Variants in CTNND2 observed in about 807,000 individuals in gnomAD.
CTNND2 encodes catenin delta 2.
A neutral mutation model predicts 144.4 loss-of-function variants in CTNND2; 22 were observed. The ratio of observed to expected loss-of-function variants is 0.15; its 90% CI spans 0.11 to 0.22. The LOEUF is 0.22. Among genes scored for constraint, CTNND2 ranks in the 10% least tolerant of loss-of-function variants. The pLI is 1.00. For synonymous variants in CTNND2, 751 were observed against 695.6 expected (o/e 1.08, Z -1.25); for missense variants, 1,353 against 1,618.8 (o/e 0.84, Z 2.82).
intron 1 of CTNND2, among the ~76,000 whole-genome samples, chr5:11,775,820 C>A (rs1039978836): frequency 1.3e-5 from 2 of 152,080 alleles, no homozygotes; most frequent in African/African-American, 4.8e-5. Flanking sequence ...AGAGTCTTTG[C>A]AGATATAATC....
At chr5:11,484,279 GTC>G (rs781011493) in intron 3 of CTNND2, among the ~76,000 whole-genome samples, 41 of 152,302 alleles carry the variant, frequency 2.7e-4, no homozygotes, top group South Asian at 1.5e-3. Context: ...CAAATGGAGA[GTC>G]TGTCCATCAT....
At chr5:11,831,470 C>T (rs564856854) in intron 1 of CTNND2, among the ~76,000 whole-genome samples, 6 of 152,010 alleles carry the variant, frequency 3.9e-5, no homozygotes, top group Middle Eastern at 3.4e-3. Flanking sequence ...AGATCGAGAC[C>T]ATCCTGGCTA....
At chr5:11,087,015 T>C (rs896316923) in intron 15 of CTNND2, among the ~76,000 whole-genome samples, 4 of 152,222 alleles carry the variant, frequency 2.6e-5, no homozygotes, top group Non-Finnish European at 4.4e-5. Flanking sequence ...TAATTCTCTA[T>C]ATTCTAAAAG....
chr5:11,070,420 G>C (rs1337405182), intron 16 of CTNND2, among the ~76,000 whole-genome samples: 5 of 152,058 alleles, frequency 3.3e-5, no homozygotes, highest in South Asian at 2.1e-4. Flanking sequence ...CAAAACTAAA[G>C]CACAAAGTGA....
At chr5:11,854,085 C>T (rs11951681) in intron 1 of CTNND2, among the ~76,000 whole-genome samples, 39,290 of 152,218 alleles carry the variant, frequency 0.26, 5,439 homozygotes, top group Non-Finnish European at 0.31. Context: ...CCTCTATTCT[C>T]CTTCCAGCCA....
intron 9 of CTNND2, among the ~76,000 whole-genome samples, chr5:11,293,428 T>C (rs1748574531): frequency 6.6e-6 from 1 of 152,186 alleles, no homozygotes; most frequent in Non-Finnish European, 1.5e-5. Context: ...GGGGAACTTA[T>C]TTTTATCTAA....
chr5:10,980,241 A>G (rs760507416), intron 21 of CTNND2, among the ~76,000 whole-genome samples: 4 of 152,350 alleles, frequency 2.6e-5, no homozygotes, highest in Admixed American at 6.5e-5. Flanking sequence ...AGCAAAGGAT[A>G]TGAACAGACA....
chr5:11,440,305 TC>T (rs1219304199), intron 3 of CTNND2, among the ~76,000 whole-genome samples: 1 of 152,246 alleles, frequency 6.6e-6, no homozygotes, highest in Non-Finnish European at 1.5e-5. Context: ...TATCTTAAAC[TC>T]AAAAATAAAT....
chr5:11,073,276 A>T (rs1158956610), intron 16 of CTNND2, among the ~76,000 whole-genome samples: 2 of 152,210 alleles, frequency 1.3e-5, no homozygotes, highest in Non-Finnish European at 2.9e-5. Context: ...CTGTTTTTAT[A>T]TTCTCAAGAT....
Position 11,466,106 on chromosome 5 carries a change from A to G in CTNND2, c.288-54037T>C, listed in dbSNP as rs1377670640. 1.3e-5 allele frequency among the ~76,000 whole-genome samples: 2 copies of G among 152,100 alleles called. 1 individual carries two copies. On this transcript the variant is annotated intron_variant, in intron 3 of 21. Coordinates refer to ENST00000304623, the MANE Select transcript of CTNND2 (RefSeq NM_001332.4). The stretch of plus-strand genomic sequence containing the variant: ...CTCACTGCAACCTTGGACTCAAGCA[A>G]TCCTCCCACCTCAGCCTCCTAAGTA...
At chr5:11,282,393 T>C (rs1249109828) in intron 9 of CTNND2, among the ~76,000 whole-genome samples, 1 of 152,152 alleles carries the variant, frequency 6.6e-6, no homozygotes, top group African/African-American at 2.4e-5. Flanking sequence ...CTCTCTCTCC[T>C]AGCATGCAGC....
intron 3 of CTNND2, among the ~76,000 whole-genome samples, chr5:11,467,299 T>C (rs984727538): frequency 2.0e-5 from 3 of 152,206 alleles, no homozygotes; most frequent in Admixed American, 2.0e-4. Context: ...ATCTCTCCTC[T>C]TCCACTTCCT....
intron 2 of CTNND2, among the ~76,000 whole-genome samples, chr5:11,707,935 T>C (rs1035323405): frequency 1.3e-5 from 2 of 152,214 alleles, no homozygotes; most frequent in African/African-American, 4.8e-5. Context: ...CTAAGAACTT[T>C]CCACTCCTAA....
chr5:11,167,536 T>C (rs1759457382), intron 11 of CTNND2, among the ~76,000 whole-genome samples: 1 of 152,128 alleles, frequency 6.6e-6, no homozygotes, highest in Non-Finnish European at 1.5e-5. Context: ...ACAATTTTGT[T>C]ATAAGATACA....
intron 3 of CTNND2, among the ~76,000 whole-genome samples, chr5:11,504,101 G>A (rs183351520): frequency 1.2e-4 from 19 of 152,322 alleles, no homozygotes; most frequent in Admixed American, 4.6e-4. Flanking sequence ...TTCTCTGGAA[G>A]CTAGACTGAA....
At chr5:11,794,498 CA>C (rs1791299670) in intron 1 of CTNND2, among the ~76,000 whole-genome samples, 1 of 152,168 alleles carries the variant, frequency 6.6e-6, no homozygotes, top group Admixed American at 6.5e-5. Flanking sequence ...CTTGCTGTGT[CA>C]ATTTGTGTTT....
chr5:11,259,362 A>G (rs1744620265), intron 9 of CTNND2, among the ~76,000 whole-genome samples: 1 of 152,178 alleles, frequency 6.6e-6, no homozygotes, highest in Non-Finnish European at 1.5e-5. Flanking sequence ...AGATGGCACC[A>G]TGTAGAGAAG....
chr5:11,501,962 A>T (rs1222540722), intron 3 of CTNND2, among the ~76,000 whole-genome samples: 1 of 140,950 alleles, frequency 7.1e-6, no homozygotes, highest in Admixed American at 7.6e-5. Context: ...CAGCAGACGG[A>T]GCTTGCAGTG....
chr5:11,361,286 G>A (rs1756423917), intron 8 of CTNND2, among the ~76,000 whole-genome samples: 1 of 152,292 alleles, frequency 6.6e-6, no homozygotes, highest in East Asian at 1.9e-4. Flanking sequence ...CTCCCAAAGT[G>A]CTGGGATTAC....
Sources: allele counts gnomAD v4.1 joint callset (sites outside exome capture counted in the v4.1 genomes callset), GRCh38; gene constraint gnomAD v4.1.1; transcripts MANE v1.5; gene names NCBI Gene and HGNC (gene_info 2026-07-23, HGNC 2026-07-21).